The following SLC1A6 variants were observed in gnomAD, a reference collection of about 807,000 sequenced individuals.
The protein encoded by SLC1A6 is solute carrier family 1 member 6, also known as excitatory amino acid transporter 4.
In SLC1A6, 15 loss-of-function variants were observed where a neutral mutation model predicts 42.1. The observed-to-expected ratio is 0.36, with a 90% CI of 0.24 to 0.55. The LOEUF (loss-of-function observed/expected upper bound fraction) is 0.55. Among genes scored for constraint, SLC1A6 ranks in the 20% least tolerant of loss-of-function variants. SLC1A6 has a pLI of 0.88. For missense variants in SLC1A6, 542 were observed against 772.5 expected, an observed-to-expected ratio of 0.70 and a Z score of 3.54; for synonymous variants, 317 against 319.7, an observed-to-expected ratio of 0.99 and a Z score of 0.09.
At chr19:14,984,472 A>T (rs1029032406), upstream of SLC1A6, among the ~76,000 whole-genome samples, 1 of 152,250 alleles carries the variant, frequency 6.6e-6, no homozygotes, top group Non-Finnish European at 1.5e-5. Flanking sequence ...ATTCAGTCTT[A>T]CACAGACAGG....
At chr19:14,951,026 A>G (rs939690196) in intron 9 of SLC1A6, among the ~76,000 whole-genome samples, 1 of 139,046 alleles carries the variant, frequency 7.2e-6, no homozygotes, top group Non-Finnish European at 1.5e-5. Flanking sequence ...CAAGGTCAGG[A>G]GTTGGAGACC....
intron 1 of SLC1A6, among the ~76,000 whole-genome samples, chr19:14,999,684 C>T (rs916894489): frequency 6.6e-6 from 1 of 152,220 alleles, no homozygotes; most frequent in Non-Finnish European, 1.5e-5. Flanking sequence ...TACACACAGT[C>T]TCCAACTTAC....
intron 6 of SLC1A6, among the ~76,000 whole-genome samples, chr19:14,960,630 T>G (rs1488222656): frequency 6.6e-6 from 1 of 152,144 alleles, no homozygotes; most frequent in Non-Finnish European, 1.5e-5. Context: ...ACAACACAGA[T>G]GAACCTGGAG....
intron 1 of SLC1A6, among the ~76,000 whole-genome samples, chr19:14,996,286 C>G (rs941885193): frequency 3.3e-5 from 5 of 152,128 alleles, no homozygotes; most frequent in Admixed American, 1.3e-4. Context: ...ACATTGGTTA[C>G]CAGGGACTGC....
chr19:14,968,561 C>G, intron 3 of SLC1A6, 54 bp from the exon 4 acceptor site: 3 of 1,444,902 alleles, frequency 2.1e-6, no homozygotes, highest in Middle Eastern at 2.4e-4. Flanking sequence ...AACGCCAGCT[C>G]TCCTAGCATC....
chr19:14,983,719 C>CAAAA (rs56657572), upstream of SLC1A6, among the ~76,000 whole-genome samples: 8 of 52,264 alleles, frequency 1.5e-4, no homozygotes, highest in East Asian at 6.3e-4. Context: ...ACAACAACAC[C>CAAAA]AAAAAAAAAA....
intron 4 of SLC1A6, among the ~76,000 whole-genome samples, chr19:14,965,204 A>G (rs1408668272): frequency 6.6e-6 from 1 of 151,924 alleles, no homozygotes; most frequent in Non-Finnish European, 1.5e-5. Flanking sequence ...TATTTTTAGT[A>G]GAGACAGGGT....
chr19:15,001,465 C>T (rs2045872255), intron 1 of SLC1A6, among the ~76,000 whole-genome samples: 1 of 152,164 alleles, frequency 6.6e-6, no homozygotes, highest in South Asian at 2.1e-4. Flanking sequence ...TGAGAATAAA[C>T]ACGGATGGTG....
At chr19:14,981,291 TAAAAA>T (rs569430449), upstream of SLC1A6, among the ~76,000 whole-genome samples, 1 of 135,980 alleles carries the variant, frequency 7.4e-6, no homozygotes. Flanking sequence ...AGACCTTGTC[TAAAAA>T]AAAAAAAAGG....
intron 1 of SLC1A6, among the ~76,000 whole-genome samples, chr19:15,009,009 A>G (rs973410223): frequency 2.0e-5 from 3 of 150,810 alleles, no homozygotes; most frequent in Non-Finnish European, 3.0e-5. Flanking sequence ...ATATATAAAC[A>G]TATATATATA....
chr19:14,950,074 C>G lies in SLC1A6; in HGVS notation c.*121G>C, dbSNP rs370548506. 80 of 619,366 alleles carry G rather than the reference C, an allele frequency of 1.3e-4. No individual in the cohort carries two copies. In the South Asian group the frequency reaches 1.5e-3, roughly 11 times the overall value. The allele number at this position is 619,366 out of a possible 1,614,324, so 38.4% of individuals were successfully genotyped here. A position where few individuals can be genotyped will look rare whatever the true frequency, so the allele number is the denominator to read the frequency against. ...TCCTTTATTTCACTTTTCCCTCCCC[C>G]CTAAATGAGTCAAGCAGAACGTGTG... On this transcript the variant is annotated 3_prime_UTR_variant, in exon 10 of 10. Transcript: ENST00000594383.
chr19:14,989,737 G>A (rs1439052562), intron 1 of SLC1A6, among the ~76,000 whole-genome samples: 1 of 92,786 alleles, frequency 1.1e-5, no homozygotes, highest in Non-Finnish European at 2.1e-5. Flanking sequence ...AACTTTGGGA[G>A]GCTGAGTGGG....
intron 8 of SLC1A6, 151 bp from the exon 9 acceptor site, chr19:14,953,213 T>C (rs2045429149): frequency 1.6e-6 from 1 of 621,200 alleles, no homozygotes; most frequent in African/African-American, 1.9e-5. Flanking sequence ...AAATACTGCT[T>C]GATGCCTCGC....
rs922543739 is a variant in SLC1A6, at chr19:14,972,725, C to G, written c.186G>C (p.Thr62=). 2.1e-5 allele frequency: 34 copies of G among 1,613,828 alleles called. No individual in the cohort carries two copies. In the South Asian group the frequency reaches 3.0e-4, roughly 14 times the overall value. The change falls in exon 2 of 10, where the codon ACG becomes ACC. Residue 62 remains threonine, a synonymous_variant. Coordinates refer to ENST00000594383, the MANE Select transcript of SLC1A6 (RefSeq NM_005071.3). The part of the protein sequence containing the change: ...FLRRNAFILL[T]VSAVVIGVSL... ...GCTCACCAATGACCACGGCGCTGACCGTCAGCAGAATGAAGGCGTTTCGGC... is the reference window on the plus strand; with the variant it reads ...GCTCACCAATGACCACGGCGCTGACGGTCAGCAGAATGAAGGCGTTTCGGC...
upstream of SLC1A6, among the ~76,000 whole-genome samples, chr19:14,984,126 A>G (rs2045781498): frequency 6.6e-6 from 1 of 152,014 alleles, no homozygotes; most frequent in African/African-American, 2.4e-5. Context: ...CCTGACAAAT[A>G]TGGAGAAACC....
chr19:14,984,066 T>C (rs1352574963), upstream of SLC1A6, among the ~76,000 whole-genome samples: 1 of 152,092 alleles, frequency 6.6e-6, no homozygotes, highest in Non-Finnish European at 1.5e-5. Flanking sequence ...TCTCAGCAGT[T>C]TGGGAGGCTG....
intron 1 of SLC1A6, among the ~76,000 whole-genome samples, chr19:15,004,156 T>TA (rs1368837165): frequency 6.6e-6 from 1 of 151,898 alleles, no homozygotes; most frequent in Non-Finnish European, 1.5e-5. Flanking sequence ...ACTCTGTCTC[T>TA]AAAAAAATTA....
chr19:14,998,251 G>A (rs2045856452), intron 1 of SLC1A6, among the ~76,000 whole-genome samples: 1 of 151,990 alleles, frequency 6.6e-6, no homozygotes, highest in African/African-American at 2.4e-5. Context: ...CATTAAAACA[G>A]AGATCTTGGC....
intron 3 of SLC1A6, among the ~76,000 whole-genome samples, chr19:14,970,227 A>G (rs767461278): frequency 6.6e-6 from 1 of 151,862 alleles, no homozygotes; most frequent in African/African-American, 2.4e-5. Flanking sequence ...GTATCACCAT[A>G]TCCTGCTGAT....
Sources: gnomAD v4.1 joint callset for allele counts (sites outside exome capture counted in the v4.1 genomes callset) on GRCh38, gnomAD v4.1.1 for gene constraint, MANE v1.5 for transcripts, NCBI Gene and HGNC (gene_info 2026-07-23, HGNC 2026-07-21) for gene names.